Variants in GUK1 observed in about 807,000 individuals in gnomAD.
GUK1 encodes guanylate kinase 1.
A neutral mutation model predicts 25.2 loss-of-function variants in GUK1; 18 were observed. The observed-to-expected ratio is 0.71, with a 90% confidence interval of 0.49 to 1.06. GUK1 has a LOEUF of 1.06. Ranked by LOEUF, GUK1 falls within the 50% of genes least tolerant of loss-of-function variation. The pLI is 0.00. For synonymous variants in GUK1, 105 were observed against 117.6 expected (o/e 0.89, Z 0.69); for missense variants, 261 against 276.7 (o/e 0.94, Z 0.40).
At chr1:228,141,773 G>T (rs1360636252) in intron 2 of GUK1, 2 of 1,290,524 alleles carry the variant, frequency 1.5e-6, no homozygotes, top group Non-Finnish European at 2.0e-6. Flanking sequence ...ATCTGCGCCG[G>T]CGGCTCCCAG....
intron 2 of GUK1, chr1:228,144,836 C>T (rs966307824): frequency 1.5e-5 from 8 of 516,414 alleles, no homozygotes; most frequent in African/African-American, 1.5e-4. Context: ...AGCTAGGATC[C>T]TGTTTGCCTT....
In GUK1 at chr1:228,147,429, A is replaced by G. The variant is rs1184034019; in HGVS notation, c.275A>G (p.Gln92Arg). 1 of 1,612,280 alleles carries G rather than the reference A, an allele frequency of 6.2e-7. No homozygotes were observed. The highest frequency in any genetic ancestry group is 1.7e-5 in the Admixed American group (1 of 60,004). ...AGCAAGGTGGCGGTGCAGGCCGTGC[A>G]GGCCATGAACCGCATCTGTGTGCTG... Residue 92 changes from glutamine (Q) to arginine (R), a missense_variant, in exon 6 of 9, where the codon CAG becomes CGG. By Grantham distance (43) the Gln-to-Arg change is conservative. Coordinates refer to ENST00000312726, the MANE Select transcript of GUK1 (RefSeq NM_000858.7).
intron 6 of GUK1, 24 bp from the exon 6 acceptor site, chr1:228,147,591 C>T: frequency 6.2e-7 from 1 of 1,613,074 alleles, no homozygotes; most frequent in Non-Finnish European, 8.5e-7. Context: ...GCATGCCAGG[C>T]TCTGATTGCC....
chr1:228,142,924 ACGTGTGC>A (rs1173219763), intron 2 of GUK1, among the ~76,000 whole-genome samples: 1 of 151,794 alleles, frequency 6.6e-6, no homozygotes, highest in Non-Finnish European at 1.5e-5. Flanking sequence ...TTGATGTGCC[ACGTGTGC>A]CTTGTGCCCT....
chr1:228,144,092 G>A (rs1482407779), intron 2 of GUK1, among the ~76,000 whole-genome samples: 4 of 152,148 alleles, frequency 2.6e-5, no homozygotes, highest in African/African-American at 9.7e-5. Flanking sequence ...GTTTGTGTGT[G>A]CATGCATGTG....
At chr1:228,146,586 A>ACCAACTC (rs2034389147) in intron 4 of GUK1, 1 of 522,718 alleles carries the variant, frequency 1.9e-6, no homozygotes, top group Admixed American at 3.2e-5. Context: ...CCCCATCACC[A>ACCAACTC]CCAACTCCCA....
At chr1:228,144,757 G>A in intron 2 of GUK1, 1 of 982,316 alleles carries the variant, frequency 1.0e-6, no homozygotes, top group South Asian at 4.7e-5. Flanking sequence ...AAACAGGTAG[G>A]CCCTGTTCTT....
intron 2 of GUK1, chr1:228,141,695 G>A: frequency 9.3e-6 from 12 of 1,290,358 alleles, no homozygotes; most frequent in Non-Finnish European, 1.1e-5. Flanking sequence ...TTCCAGGAAA[G>A]CGGCTGCTGG....
chr1:228,148,708 C>G lies in GUK1; in HGVS notation c.*11C>G, dbSNP rs772161415. The G allele has an allele frequency of 5.0e-6, 8 of 1,606,278 alleles. No homozygotes were observed. Among genetic ancestry groups the G allele is most frequent in the Non-Finnish European group, 6.8e-6 (8 of 1,177,578 alleles). On this transcript the variant is annotated 3_prime_UTR_variant, in exon 9 of 9. Transcript: ENST00000312726. ...AGGACCGGCGCCTGAGGCTTGCTGT[C>G]TGTTCTCGGCACCCCGGGCCCATAC...
chr1:228,148,510 C>A, intron 8 of GUK1, 54 bp downstream of exon 7: 1 of 1,466,186 alleles, frequency 6.8e-7, no homozygotes, highest in Non-Finnish European at 9.3e-7. Flanking sequence ...GCCTGGGGGC[C>A]AGGCCTTTGT....
At chr1:228,144,115 G>A (rs2034225778) in intron 2 of GUK1, among the ~76,000 whole-genome samples, 1 of 152,100 alleles carries the variant, frequency 6.6e-6, no homozygotes, top group African/African-American at 2.4e-5. Flanking sequence ...TGTGTTTGTG[G>A]TAGGTTTGTG....
chr1:228,147,010 G>T, intron 5 of GUK1, 72 bp downstream of exon 4: 1 of 997,486 alleles, frequency 1.0e-6, no homozygotes, highest in Non-Finnish European at 1.6e-6. Flanking sequence ...AGTGCCTGCT[G>T]CCTGCCCGCC....
Position 228,147,507 on chromosome 1 carries a change from T to A in GUK1, c.353T>A (p.Ile118Asn). The A allele has an allele frequency of 6.2e-7, 1 of 1,613,276 alleles. No homozygotes were observed. Among genetic ancestry groups the A allele is most frequent in the South Asian group, 1.1e-5 (1 of 91,082 alleles). The change falls in exon 6 of 9, where the codon ATC (isoleucine) becomes AAC (asparagine). Residue 118 changes from isoleucine to asparagine, a missense_variant. Coordinates refer to ENST00000312726, the MANE Select transcript of GUK1 (RefSeq NM_000858.7). The stretch of plus-strand genomic sequence containing the variant: ...ATCAAGGCCACCGATCTGCGGCCCA[T>A]CTACATCTCTGTGCAGCCGCCTTCA...
At chr1:228,140,675 A>G (rs926989761) in intron 1 of GUK1, among the ~76,000 whole-genome samples, 4 of 152,238 alleles carry the variant, frequency 2.6e-5, no homozygotes, top group Admixed American at 6.5e-5. Flanking sequence ...GCGCGCCGCC[A>G]AAGAGAGCAG....
intron 3 of GUK1, 160 bp from the exon 3 acceptor site, chr1:228,145,866 G>C: frequency 1.4e-6 from 1 of 717,880 alleles, no homozygotes; most frequent in Non-Finnish European, 2.4e-6. Flanking sequence ...GTTTCTTTCT[G>C]GGAGAACCCT....
At chr1:228,147,590 G>A in intron 6 of GUK1, 25 bp from the exon 6 acceptor site, 4 of 1,613,048 alleles carry the variant, frequency 2.5e-6, no homozygotes, top group Non-Finnish European at 3.4e-6. Flanking sequence ...GGCATGCCAG[G>A]CTCTGATTGC....
rs540403059 is a variant in GUK1 at position 228,146,901 on chromosome 1, G to A, written c.214G>A (p.Glu72Lys). Residue 72 changes from glutamate to lysine, a missense_variant, in exon 5 of 9, where the codon GAG becomes AAG. By Grantham distance (56) the Glu-to-Lys change is moderately conservative. Coordinates refer to ENST00000312726, the MANE Select transcript of GUK1 (RefSeq NM_000858.7). ...TGACATAGCAGCCGGCGACTTCATC[G>A]AGCATGCCGAGTTCTCGGGGAACCT... 1.4e-4 allele frequency: 220 copies of A among 1,613,698 alleles called. No homozygotes were observed. The highest frequency in any genetic ancestry group is 2.5e-4 in the East Asian group (11 of 44,886).
rs753547875 is a variant in GUK1 at position 228,148,650 on chromosome 1, C to T, written c.562-15C>T. ...GATACCAGCCCTCCCAACTCCCTTT[C>T]TTCCTCACTGGCAGGAAATCAAGAA... On this transcript the variant is annotated splice_polypyrimidine_tract_variant and intron_variant, in intron 8 of 8. Transcript: ENST00000312726. 12 of 1,585,336 alleles carry T rather than the reference C, an allele frequency of 7.6e-6. No homozygotes were observed. The highest frequency in any genetic ancestry group is 1.0e-5 in the Non-Finnish European group (12 of 1,162,522).
In GUK1 at chr1:228,141,136, C is replaced by T; in HGVS notation, c.-155C>T. The T allele has an allele frequency of 1.0e-6, 1 of 985,746 alleles. No homozygotes were observed. Among genetic ancestry groups the T allele is most frequent in the Non-Finnish European group, 1.2e-6 (1 of 830,168 alleles). 61.1% of individuals were successfully genotyped at this position (985,746 alleles called of 1,614,324 possible). Reference sequence around the variant, plus strand: ...CTTCCTGTCTCAGGCTTGCTCTGCTCTTTACCTGGGGTTGCTGTCGAGGAC... The same window carrying T: ...CTTCCTGTCTCAGGCTTGCTCTGCTTTTTACCTGGGGTTGCTGTCGAGGAC... On this transcript the variant is annotated 5_prime_UTR_variant, in exon 2 of 9. Coordinates refer to ENST00000312726, the MANE Select transcript of GUK1 (RefSeq NM_000858.7).
Sources: gnomAD v4.1 joint callset for allele counts (sites outside exome capture counted in the v4.1 genomes callset) on GRCh38, gnomAD v4.1.1 for gene constraint, MANE v1.5 for transcripts, NCBI Gene and HGNC (gene_info 2026-07-23, HGNC 2026-07-21) for gene names.